ACAP1: variants seen among roughly 807,000 people sequenced by gnomAD.
ACAP1 encodes the protein ArfGAP with coiled-coil, ankyrin repeat and PH domains 1.
In ACAP1, 45 loss-of-function variants were observed where a neutral mutation model predicts 98.8. The ratio of observed to expected loss-of-function variants is 0.46; its 90% confidence interval spans 0.36 to 0.58. The LOEUF is 0.58. Among genes scored for constraint, ACAP1 ranks in the 20% least tolerant of loss-of-function variants. The pLI, the probability that ACAP1 is intolerant of heterozygous loss-of-function variation, is 0.00. For synonymous variants in ACAP1, 362 were observed against 375.3 expected (o/e 0.96, Z 0.41); for missense variants, 735 against 971.4 (o/e 0.76, Z 3.24).
At position 7,350,763 on chromosome 17, in the gene ACAP1, A is replaced by G. The variant is rs2073399384; in HGVS notation, c.2073-187A>G. The G allele has an allele frequency of 1.8e-6, 1 of 561,806 alleles. No individual in the cohort carries two copies. Among genetic ancestry groups the G allele is most frequent in the Admixed American group, 2.9e-5 (1 of 34,022 alleles). The allele number at this position is 561,806 out of a possible 1,614,324, so 34.8% of individuals were successfully genotyped here. A position where few individuals can be genotyped will look rare whatever the true frequency, so the allele number is the denominator to read the frequency against. On this transcript the variant is annotated intron_variant, in intron 20 of 21. Transcript: ENST00000158762. The surrounding 1 kb of genome is among the most constrained non-coding windows in gnomAD (Gnocchi z 4.6). ...GTAGCTGGGACTACAGGCGTGCGCC[A>G]CCACCCCCGGCTAATTTTTTGTATT...
Position 7,350,783 on chromosome 17 carries a change from T to G in ACAP1, c.2073-167T>G, listed in dbSNP as rs1422930775. 1 of 607,774 alleles carries G rather than the reference T, an allele frequency of 1.6e-6. No homozygotes were observed. Among genetic ancestry groups the G allele is most frequent in the African/African-American group, 1.9e-5 (1 of 53,546 alleles). The allele number at this position is 607,774 out of a possible 1,614,324, so 37.6% of individuals were successfully genotyped here. A position where few individuals can be genotyped will look rare whatever the true frequency, so the allele number is the denominator to read the frequency against. ...GCGCCACCACCCCCGGCTAATTTTT[T>G]GTATTTTTAGTAGAGACGGGGTTTC... On this transcript the variant is annotated intron_variant, in intron 20 of 21. Transcript: ENST00000158762. This position sits in a 1 kb window ranked among gnomAD's most constrained non-coding sequence, Gnocchi z 4.6.
chr17:7,351,201 C>T, intron 21 of ACAP1, 94 bp from the exon 22 acceptor site: 1 of 1,209,000 alleles, frequency 8.3e-7, no homozygotes, highest in Non-Finnish European at 1.2e-6. Context: ...CACCCAGGCT[C>T]GGAGCGCGAG....
intron 2 of ACAP1, 29 bp from the exon 3 acceptor site, chr17:7,341,919 A>G (rs1368536610): frequency 6.2e-7 from 1 of 1,613,316 alleles, no homozygotes; most frequent in Admixed American, 1.7e-5. Flanking sequence ...ATGATGGCAC[A>G]GCTCCCTGTT....
Position 7,349,162 on chromosome 17 carries a change from G to A in ACAP1, c.1846G>A (p.Ala616Thr). Residue 616 changes from alanine to threonine, a missense_variant, in exon 18 of 22, where the codon GCT becomes ACT. This residue lies in a region of ACAP1 where 142 missense variants were observed against 224.1 expected (regional missense o/e 0.63). Transcript: ENST00000158762. ...DNATPLIQAT[A>T]ANSLLACEFL... ...TGCCACACCGCTGATCCAGGCCACA[G>A]CTGCTGTAAGAGCCCTGCTGACCTC... The A allele has an allele frequency of 1.2e-6, 2 of 1,613,858 alleles. No individual in the cohort carries two copies. The highest frequency in any genetic ancestry group is 1.7e-6 in the Non-Finnish European group (2 of 1,179,946).
rs868337264 is a variant in ACAP1 at position 7,342,466 on chromosome 17, G to C, written c.336G>C (p.Leu112=). The C allele has an allele frequency of 5.0e-6, 8 of 1,614,112 alleles. No homozygotes were observed. The highest frequency in any genetic ancestry group is 2.2e-5 in the South Asian group (2 of 91,080). The part of the protein sequence containing the change: ...QHTLQQQIQT[L]VKEGLRGFRE... The stretch of plus-strand genomic sequence containing the variant: ...CACTGCAGCAGCAGATCCAGACCCT[G>C]GTCAAGGAGTGAGATGGGGCCGGGC... The change falls in exon 5 of 22, where the codon CTG becomes CTC. Residue 112 remains leucine (L), a synonymous_variant. Transcript: ENST00000158762.
In ACAP1 at chr17:7,342,466, G is replaced by A; in HGVS notation, c.336G>A (p.Leu112=). ...QHTLQQQIQT[L]VKEGLRGFRE... ...CACTGCAGCAGCAGATCCAGACCCT[G>A]GTCAAGGAGTGAGATGGGGCCGGGC... The change falls in exon 5 of 22, where the codon CTG becomes CTA. Residue 112 remains leucine, a synonymous_variant. Transcript: ENST00000158762. 6.2e-7 allele frequency: 1 copy of A among 1,614,112 alleles called. No individual in the cohort carries two copies. Among genetic ancestry groups the A allele is most frequent in the Non-Finnish European group, 8.5e-7 (1 of 1,180,008 alleles).
Position 7,350,352 on chromosome 17 carries a change from T to C in ACAP1, c.2072+115T>C. On this transcript the variant is annotated intron_variant, in intron 20 of 21. Transcript: ENST00000158762. The surrounding 1 kb of genome is among the most constrained non-coding windows in gnomAD (Gnocchi z 4.6). ...AAACAGAAGCCTGTGCTGTGGGGCC[T>C]CGGAAAGGGGCTGGGCCAGCGCCGG... is the stretch of plus-strand genomic sequence containing the variant. 1.2e-6 allele frequency: 1 copy of C among 836,026 alleles called. No individual in the cohort carries two copies. Among genetic ancestry groups the C allele is most frequent in the Middle Eastern group, 3.6e-4 (1 of 2,740 alleles). The allele number at this position is 836,026 out of a possible 1,614,324, so 51.8% of individuals were successfully genotyped here.
Position 7,344,905 on chromosome 17 carries a change from T to G in ACAP1, c.854+257T>G, listed in dbSNP as rs1221820162. Among the ~76,000 whole-genome samples the G allele has an allele frequency of 6.6e-6, 1 of 152,086 alleles. No homozygotes were observed. The highest frequency in any genetic ancestry group is 1.5e-5 in the Non-Finnish European group (1 of 68,010). ...GGTAGGGGTTACAGTTCTAAATAGT[T>G]GGGCAGTGTGGGCTTCATGAGAAGG... On this transcript the variant is annotated intron_variant, in intron 10 of 21. Transcript: ENST00000158762. The surrounding 1 kb of genome is among the most constrained non-coding windows in gnomAD (Gnocchi z 4.9).
intron 2 of ACAP1, among the ~76,000 whole-genome samples, chr17:7,338,351 T>A (rs1037601507): frequency 3.3e-5 from 5 of 152,172 alleles, no homozygotes; most frequent in African/African-American, 1.2e-4. Flanking sequence ...CCTCCCAGGT[T>A]CAAGTGATTC....
intron 2 of ACAP1, among the ~76,000 whole-genome samples, chr17:7,341,380 T>C (rs771734289): frequency 1.4e-4 from 22 of 152,236 alleles, no homozygotes; most frequent in Non-Finnish European, 2.9e-5. Context: ...TAGCTGGGAT[T>C]ACAGGCATGT....
Position 7,346,275 on chromosome 17 carries a change from G to A in ACAP1, c.886G>A (p.Val296Ile), listed in dbSNP as rs142630765. ...GTTCACCATTCAGAGCAACCAACTG[G>A]TTTACCAGAAGAAGTACAAGGTGAG... is the stretch of plus-strand genomic sequence containing the variant. ...RWFTIQSNQL[V>I]YQKKYKDPVT... Residue 296 changes from valine to isoleucine, a missense_variant, in exon 11 of 22, where the codon GTT becomes ATT. Val to Ile is a conservative substitution (Grantham distance 29). Transcript: ENST00000158762. The A allele has an allele frequency of 3.1e-6, 5 of 1,614,094 alleles. No homozygotes were observed. In the African/African-American group the frequency reaches 6.7e-5, roughly 22 times the overall value.
rs1262437044 is a variant in ACAP1, at chr17:7,347,095, G to A, written c.1196G>A (p.Arg399Lys). The change falls in exon 14 of 22, where the codon AGG (arginine) becomes AAG (lysine). Residue 399 changes from arginine to lysine, a missense_variant. By Grantham distance (26) the Arg-to-Lys change is conservative. This residue lies in a region of ACAP1 where 430 missense variants were observed against 531.8 expected (regional missense o/e 0.81). Transcript: ENST00000158762. ...GGCTCTGGTGGAATGGCCAGGGGAA[G>A]GGAGCCTGGGGGAGTCGGGCACGTG... Reference protein sequence around the residue: ...TLGSGGMARGREPGGVGHVVA... With the variant: ...TLGSGGMARGKEPGGVGHVVA... 1.9e-6 allele frequency: 3 copies of A among 1,613,170 alleles called. No individual in the cohort carries two copies. The highest frequency in any genetic ancestry group is 3.3e-4 in the Middle Eastern group (2 of 6,038).
chr17:7,344,430 G>A lies in ACAP1; in HGVS notation c.745-109G>A, dbSNP rs1004038956. 2.4e-6 allele frequency: 2 copies of A among 826,488 alleles called. No homozygotes were observed. The highest frequency in any genetic ancestry group is 1.7e-5 in the African/African-American group (1 of 57,674). The allele number at this position is 826,488 out of a possible 1,614,324, so 51.2% of individuals were successfully genotyped here. On this transcript the variant is annotated intron_variant, in intron 9 of 21. Transcript: ENST00000158762. The surrounding 1 kb of genome is among the most constrained non-coding windows in gnomAD (Gnocchi z 4.9). ...TGTCTCTAAAAATAAATTTTAAAAA[G>A]TATTTCAAAAAGCAGAAAGTAAGGG...
In ACAP1 at chr17:7,336,948, A is replaced by T. The variant is rs545659885; in HGVS notation, c.53+161A>T. On this transcript the variant is annotated intron_variant, in intron 1 of 21. Coordinates refer to ENST00000158762, the MANE Select transcript of ACAP1 (RefSeq NM_014716.4). The stretch of plus-strand genomic sequence containing the variant: ...GGTACCCCAGCTGTGAAAGCAGGGT[A>T]CTCCAATGCTCTCTGCCCCTGCATG... Among the ~76,000 whole-genome samples, 7 of 152,022 alleles carry T rather than the reference A, an allele frequency of 4.6e-5. No individual in the cohort carries two copies. The South Asian group carries it at 1.5e-3, about 32-fold the overall frequency.
At chr17:7,345,034 A>T (rs2073333015) in intron 10 of ACAP1, among the ~76,000 whole-genome samples, 1 of 152,186 alleles carries the variant, frequency 6.6e-6, no homozygotes, top group African/African-American at 2.4e-5. Context: ...TTGGAAGAGC[A>T]GGGTGGTGGC....
rs1364100638 is a variant in ACAP1 at position 7,344,832 on chromosome 17, G to A, written c.854+184G>A. ...TTACGTGCTATGTTAGAAGGTGATA[G>A]TGCTTGCTATAGGAGAAAGATGATA... On this transcript the variant is annotated intron_variant, in intron 10 of 21. Coordinates refer to ENST00000158762, the MANE Select transcript of ACAP1 (RefSeq NM_014716.4). The surrounding 1 kb of genome is among the most constrained non-coding windows in gnomAD (Gnocchi z 4.9). 1.3e-5 allele frequency among the ~76,000 whole-genome samples: 2 copies of A among 152,206 alleles called. No homozygotes were observed. The highest frequency in any genetic ancestry group is 2.9e-5 in the Non-Finnish European group (2 of 68,040).
intron 2 of ACAP1, 45 bp from the exon 3 acceptor site, chr17:7,341,903 G>A: frequency 1.9e-6 from 3 of 1,610,992 alleles, no homozygotes; most frequent in East Asian, 2.2e-5. Context: ...ATCACCAGGT[G>A]TGAGGATGAT....
chr17:7,348,639 G>C (rs1477196109), intron 17 of ACAP1, 164 bp downstream of exon 17: 3 of 802,768 alleles, frequency 3.7e-6, no homozygotes, highest in South Asian at 2.4e-5. Flanking sequence ...CATTAAGAAT[G>C]AGAAGGAATG....
chr17:7,348,599 T>C (rs2073371355), intron 17 of ACAP1, 124 bp downstream of exon 17: 1 of 1,147,366 alleles, frequency 8.7e-7, no homozygotes, highest in Non-Finnish European at 1.2e-6. Context: ...GGGACCGGAC[T>C]GCCGTTTCAG....
Sources: gnomAD v4.1 joint callset for allele counts (sites outside exome capture counted in the v4.1 genomes callset) on GRCh38, gnomAD v4.1.1 for gene constraint, gnomAD v4.1.1 regional missense constraint, Gnocchi (gnomAD v3.1) non-coding constraint, MANE v1.5 for transcripts, NCBI Gene and HGNC (gene_info 2026-07-23, HGNC 2026-07-21) for gene names.